The following ERP44 variants were observed in gnomAD, a reference collection of about 807,000 sequenced individuals.
The protein encoded by ERP44 is endoplasmic reticulum resident protein 44.
ERP44 carries 25 observed loss-of-function variants against 53.4 expected under a neutral mutation model. The observed-to-expected ratio is 0.47, with a 90% CI of 0.34 to 0.65. ERP44 has a LOEUF of 0.65. ERP44 is among the 30% of genes least tolerant of loss of function. ERP44 has a pLI of 0.01. For synonymous variants in ERP44, 145 were observed against 161.2 expected (o/e 0.90, Z 0.76); for missense variants, 338 against 493.2 (o/e 0.69, Z 2.98).
At chr9:100,029,973 A>C (rs1001640682) in intron 4 of ERP44, among the ~76,000 whole-genome samples, 2 of 152,162 alleles carry the variant, frequency 1.3e-5, no homozygotes, top group Admixed American at 1.3e-4. Context: ...CTGTAGTTCC[A>C]GCTACTCAGG....
chr9:100,082,257 A>G (rs889982079), intron 1 of ERP44, among the ~76,000 whole-genome samples: 3 of 150,316 alleles, frequency 2.0e-5, no homozygotes, highest in Non-Finnish European at 4.4e-5. Context: ...AAATACCAAA[A>G]TGTTTTTTTA....
intron 4 of ERP44, among the ~76,000 whole-genome samples, chr9:100,050,309 G>A (rs1205330968): frequency 1.7e-5 from 2 of 114,938 alleles, no homozygotes; most frequent in African/African-American, 5.5e-5. Flanking sequence ...TTAAATTTGT[G>A]TAACATATGT....
intron 7 of ERP44, 129 bp downstream of exon 7, chr9:100,018,127 A>C (rs1830543163): frequency 2.9e-6 from 2 of 694,380 alleles, no homozygotes; most frequent in East Asian, 5.3e-5. Context: ...TCAGCACAAG[A>C]TGATGCTTCA....
intron 1 of ERP44, among the ~76,000 whole-genome samples, chr9:100,068,257 G>A (rs1378123633): frequency 7.0e-6 from 1 of 143,816 alleles, no homozygotes; most frequent in South Asian, 2.2e-4. Context: ...GGTGAGGGGC[G>A]CCTCTGCCCA....
At chr9:100,089,139 C>G (rs1313729804) in intron 1 of ERP44, among the ~76,000 whole-genome samples, 1 of 152,170 alleles carries the variant, frequency 6.6e-6, no homozygotes, top group Non-Finnish European at 1.5e-5. Context: ...GTGAATCATC[C>G]TTTTGTCCAG....
intron 4 of ERP44, among the ~76,000 whole-genome samples, chr9:100,047,085 T>C (rs563353267): frequency 2.4e-4 from 37 of 152,320 alleles, no homozygotes; most frequent in African/African-American, 8.4e-4. Context: ...ATGCCACATG[T>C]AAAAATTAAT....
intron 10 of ERP44, among the ~76,000 whole-genome samples, chr9:99,997,291 G>A (rs1170789100): frequency 2.0e-5 from 3 of 152,028 alleles, no homozygotes; most frequent in African/African-American, 4.8e-5. Flanking sequence ...CCACATCCAC[G>A]CCAACATCTA....
intron 1 of ERP44, among the ~76,000 whole-genome samples, chr9:100,092,770 T>G (rs2118763072): frequency 6.6e-6 from 1 of 152,352 alleles, no homozygotes; most frequent in African/African-American, 2.4e-5. Flanking sequence ...CAACTTTGGT[T>G]GTAATCAAAG....
At chr9:100,067,555 C>T (rs1826229173) in intron 1 of ERP44, among the ~76,000 whole-genome samples, 1 of 152,220 alleles carries the variant, frequency 6.6e-6, no homozygotes, top group Non-Finnish European at 1.5e-5. Flanking sequence ...CTCCACCTCC[C>T]AGCCGCCTGC....
At chr9:100,052,215 T>C (rs1826046325) in intron 4 of ERP44, among the ~76,000 whole-genome samples, 1 of 151,918 alleles carries the variant, frequency 6.6e-6, no homozygotes, top group Admixed American at 6.6e-5. Context: ...GAAAGTAGTG[T>C]TCTAAGTACA....
At chr9:100,055,192 G>A (rs768625650) in intron 3 of ERP44, among the ~76,000 whole-genome samples, 1 of 152,070 alleles carries the variant, frequency 6.6e-6, no homozygotes, top group Non-Finnish European at 1.5e-5. Context: ...GAGTCTGGAT[G>A]GGGATGGTTA....
chr9:100,027,287 A>C (rs879291425), intron 4 of ERP44, among the ~76,000 whole-genome samples: 2 of 152,234 alleles, frequency 1.3e-5, no homozygotes, highest in Admixed American at 6.5e-5. Context: ...AAAAGATTTA[A>C]AATATTTGAA....
In ERP44 at chr9:99,979,950, CTG is replaced by C. The variant is rs1213022819; in HGVS notation, c.*2660_*2661del. Reference sequence around the variant, plus strand: ...ACCCCTTAGTCTGGCACACAAGGCCCTGTGTGACCAGCTCCCATTTCTTTTTC... The same window carrying C: ...ACCCCTTAGTCTGGCACACAAGGCCCTGTGACCAGCTCCCATTTCTTTTTC... On this transcript the variant is annotated 3_prime_UTR_variant, in exon 12 of 12. Coordinates refer to ENST00000262455, the MANE Select transcript of ERP44 (RefSeq NM_015051.3). The C allele has an allele frequency of 2.5e-6, 1 of 398,424 alleles. No individual in the cohort carries two copies. The highest frequency in any genetic ancestry group is 3.6e-5 in the East Asian group (1 of 28,090). 24.7% of individuals were successfully genotyped at this position (398,424 alleles called of 1,614,324 possible). A position where few individuals can be genotyped will look rare whatever the true frequency, so the allele number is the denominator to read the frequency against.
At chr9:100,050,395 A>G (rs1826023886) in intron 4 of ERP44, among the ~76,000 whole-genome samples, 1 of 152,234 alleles carries the variant, frequency 6.6e-6, no homozygotes, top group Non-Finnish European at 1.5e-5. Context: ...ACTGATACGT[A>G]TATCAGTATA....
chr9:100,047,336 C>T (rs1030345502), intron 4 of ERP44, among the ~76,000 whole-genome samples: 2 of 152,120 alleles, frequency 1.3e-5, no homozygotes, highest in African/African-American at 4.8e-5. Flanking sequence ...TGCAAGACTA[C>T]AGTAATCAAA....
At position 100,060,162 on chromosome 9, in the gene ERP44, A is replaced by C; in HGVS notation, c.68T>G (p.Val23Gly). The change falls in exon 2 of 12, where the codon GTT becomes GGT. Residue 23 changes from valine (V) to glycine (G), a missense_variant. By Grantham distance (109) the Val-to-Gly change is moderately radical (BLOSUM62 -3). This residue lies in a region of ERP44 where 224 missense variants were observed against 301.4 expected (regional missense o/e 0.74). Coordinates refer to ENST00000262455, the MANE Select transcript of ERP44 (RefSeq NM_015051.3). Reference protein sequence around the residue: ...RCSLLLLVTWVFTPVTTEITS... With the variant: ...RCSLLLLVTWGFTPVTTEITS... The stretch of plus-strand genomic sequence containing the variant: ...TATTTCAGTTGTTACAGGAGTAAAA[A>C]CCCAAGTTACCTGAAAATTTAAAAA... 1 of 1,495,928 alleles carries C rather than the reference A, an allele frequency of 6.7e-7. No homozygotes were observed. The allele number at this position is 1,495,928 out of a possible 1,614,324, so 92.7% of individuals were successfully genotyped here.
chr9:100,028,040 A>G (rs1218898514), intron 4 of ERP44, among the ~76,000 whole-genome samples: 2 of 152,228 alleles, frequency 1.3e-5, no homozygotes, highest in African/African-American at 2.4e-5. Flanking sequence ...CTATGCACAT[A>G]AAGTCTTCAC....
At chr9:100,091,518 C>G (rs2118761544) in intron 1 of ERP44, among the ~76,000 whole-genome samples, 1 of 152,216 alleles carries the variant, frequency 6.6e-6, no homozygotes, top group African/African-American at 2.4e-5. Flanking sequence ...GCCACGTCAG[C>G]CAACCAGACA....
chr9:100,026,163 G>T (rs1830649160), intron 4 of ERP44, among the ~76,000 whole-genome samples: 1 of 152,204 alleles, frequency 6.6e-6, no homozygotes, highest in African/African-American at 2.4e-5. Context: ...CAAGAGAAAT[G>T]TCTCCAGAGG....
Sources: allele counts gnomAD v4.1 joint callset (sites outside exome capture counted in the v4.1 genomes callset), GRCh38; gene constraint gnomAD v4.1.1; regional missense constraint gnomAD v4.1.1; transcripts MANE v1.5; gene names NCBI Gene and HGNC (gene_info 2026-07-23, HGNC 2026-07-21).